CTNNA2: variants seen among roughly 807,000 people sequenced by gnomAD.
CTNNA2 encodes the protein catenin alpha 2.
CTNNA2 carries 42 observed loss-of-function variants against 101.0 expected under a neutral mutation model. That is an observed-to-expected ratio of 0.42 (90% CI 0.32 to 0.54). The LOEUF is 0.54. Among genes scored for constraint, CTNNA2 ranks in the 20% least tolerant of loss-of-function variants. The pLI is 0.14. For synonymous variants in CTNNA2, 450 were observed against 456.4 expected (o/e 0.99, Z 0.18); for missense variants, 871 against 1,223.1 (o/e 0.71, Z 4.29).
chr2:79,668,651 A>C (rs1201086290), intron 2 of CTNNA2, among the ~76,000 whole-genome samples: 1 of 152,192 alleles, frequency 6.6e-6, no homozygotes, highest in African/African-American at 2.4e-5. Context: ...AACTCTTTCC[A>C]CAATTTCACT....
intron 7 of CTNNA2, among the ~76,000 whole-genome samples, chr2:80,361,909 T>A (rs946803216): frequency 6.6e-6 from 1 of 152,092 alleles, no homozygotes; most frequent in Non-Finnish European, 1.5e-5. Flanking sequence ...CACACCTTTT[T>A]AAAAAGCCAA....
intron 18 of CTNNA2, among the ~76,000 whole-genome samples, chr2:80,630,118 C>T (rs1420217297): frequency 1.3e-5 from 2 of 152,186 alleles, no homozygotes; most frequent in East Asian, 3.9e-4. Flanking sequence ...TACCTCTTTG[C>T]CTGGTTATCC....
At position 79,280,114 on chromosome 2, in the gene CTNNA2, C is replaced by T. The variant is rs116560399; in HGVS notation, c.-405-32595C>T. On this transcript the variant is annotated intron_variant, in intron 2 of 21. Transcript: ENST00000466387. ...TTCACCCCTTCCAAAATTCTTCTTC[C>T]GTCCTACCGTCAATTTGTCAAGGGA... Among the ~76,000 whole-genome samples the T allele has an allele frequency of 2.6e-3, 392 of 152,198 alleles. 1 individual carries two copies. Among genetic ancestry groups the T allele is most frequent in the African/African-American group, 8.4e-3 (347 of 41,528 alleles).
intron 3 of CTNNA2, among the ~76,000 whole-genome samples, chr2:79,354,433 A>G (rs189968777): frequency 1.3e-5 from 2 of 152,244 alleles, no homozygotes; most frequent in Admixed American, 1.3e-4. Flanking sequence ...CATGTCTTCC[A>G]GCTCTTGGAT....
At chr2:80,537,096 C>T (rs530385030) in intron 9 of CTNNA2, among the ~76,000 whole-genome samples, 2 of 152,146 alleles carry the variant, frequency 1.3e-5, no homozygotes, top group South Asian at 4.2e-4. Flanking sequence ...CCTGACAGGC[C>T]CCAGTGTGTG....
At chr2:80,236,424 G>T (rs1357182790) in intron 7 of CTNNA2, among the ~76,000 whole-genome samples, 1 of 152,218 alleles carries the variant, frequency 6.6e-6, no homozygotes, top group Non-Finnish European at 1.5e-5. Context: ...AATCAGTGCA[G>T]TGCAGTGAGG....
intron 7 of CTNNA2, among the ~76,000 whole-genome samples, chr2:80,349,391 G>A (rs1182838215): frequency 1.3e-5 from 2 of 152,114 alleles, no homozygotes; most frequent in Non-Finnish European, 2.9e-5. Context: ...TATTGGGGAT[G>A]GGTATATTCT....
Position 79,541,193 on chromosome 2 carries a change from T to C in CTNNA2, c.-6+27986T>C, listed in dbSNP as rs560206019. 2.8e-4 allele frequency among the ~76,000 whole-genome samples: 39 copies of C among 138,128 alleles called. No individual in the cohort carries two copies. In the South Asian group the frequency reaches 8.9e-3, roughly 32 times the overall value. 90.6% of individuals were successfully genotyped at this position (138,128 alleles called of 152,430 possible). A position where few individuals can be genotyped will look rare whatever the true frequency, so the allele number is the denominator to read the frequency against. ...AGTATAAACATATATATTACACATA[T>C]ATATGAGTTTGTGTGTATATATATA... On this transcript the variant is annotated intron_variant, in intron 1 of 18. Transcript: ENST00000402739.
chr2:80,052,434 A>G (rs745968965), intron 7 of CTNNA2, among the ~76,000 whole-genome samples: 13 of 152,206 alleles, frequency 8.5e-5, no homozygotes, highest in Non-Finnish European at 1.9e-4. Flanking sequence ...GCCATATTGC[A>G]TTCCTATATC....
chr2:79,698,015 T>C (rs1178299259), intron 2 of CTNNA2: 1 of 152,106 alleles, frequency 6.6e-6, no homozygotes, highest in Non-Finnish European at 1.5e-5. Context: ...ATAGCAATTC[T>C]AAACAGTATT....
chr2:80,215,748 C>T (rs1354174293), intron 7 of CTNNA2, among the ~76,000 whole-genome samples: 4 of 152,168 alleles, frequency 2.6e-5, no homozygotes, highest in Non-Finnish European at 2.9e-5. Context: ...GTTCTCAGAT[C>T]TCAAACTCTG....
chr2:79,567,284 CTTCTT>C (rs768163193), intron 1 of CTNNA2, among the ~76,000 whole-genome samples: 1 of 152,048 alleles, frequency 6.6e-6, no homozygotes, highest in Non-Finnish European at 1.5e-5. Context: ...GATTTTATCT[CTTCTT>C]TTCTTCAAAA....
rs1671497071 is a variant in CTNNA2, at chr2:79,744,434, G to A, written c.150G>A (p.Lys50=). 6.2e-7 allele frequency: 1 copy of A among 1,613,872 alleles called. No individual in the cohort carries two copies. The highest frequency in any genetic ancestry group is 1.7e-5 in the Admixed American group (1 of 59,986). ...NTSNKGPSGK[K]KGRSKKAHVL... ...GCAACAAAGGCCCATCTGGTAAAAA[G>A]AAAGGGAGGTCAAAGAAAGCCCATG... is the stretch of plus-strand genomic sequence containing the variant. The change falls in exon 3 of 19, where the codon AAG becomes AAA. Residue 50 remains lysine, a synonymous_variant. Coordinates refer to ENST00000402739, the MANE Select transcript of CTNNA2 (RefSeq NM_001282597.3).
chr2:80,635,977 T>TTA (rs1161329680), intron 18 of CTNNA2, among the ~76,000 whole-genome samples: 1 of 151,076 alleles, frequency 6.6e-6, no homozygotes, highest in African/African-American at 2.4e-5. Context: ...ATTGCTTTTT[T>TTA]TTTTTTTTTT....
At chr2:80,282,204 C>T (rs964247283) in intron 7 of CTNNA2, among the ~76,000 whole-genome samples, 2 of 152,032 alleles carry the variant, frequency 1.3e-5, no homozygotes, top group African/African-American at 4.8e-5. Flanking sequence ...CTATGAACCA[C>T]ATCTACATGA....
intron 12 of CTNNA2, 80 bp from the exon 13 acceptor site, chr2:80,574,083 C>G (rs893130652): frequency 1.1e-5 from 16 of 1,475,952 alleles, no homozygotes; most frequent in African/African-American, 2.8e-5. Context: ...GCCCGAGGAC[C>G]TGCCACTTCG....
intron 2 of CTNNA2, among the ~76,000 whole-genome samples, chr2:79,713,163 G>A (rs1446813435): frequency 6.6e-6 from 1 of 152,112 alleles, no homozygotes; most frequent in African/African-American, 2.4e-5. Context: ...GAATATCATG[G>A]CAAAAATCAT....
chr2:79,845,171 GCTT>G (rs1190670196), intron 3 of CTNNA2, among the ~76,000 whole-genome samples: 1 of 70,128 alleles, frequency 1.4e-5, no homozygotes, highest in Non-Finnish European at 2.8e-5. Context: ...AAACACAGCT[GCTT>G]TTTTTTTTTT....
intron 7 of CTNNA2, among the ~76,000 whole-genome samples, chr2:80,197,619 T>G (rs1414284157): frequency 6.6e-6 from 1 of 152,174 alleles, no homozygotes; most frequent in Non-Finnish European, 1.5e-5. Flanking sequence ...AACATTCATT[T>G]TCTACTGCCC....
Sources: gnomAD v4.1 joint callset for allele counts (sites outside exome capture counted in the v4.1 genomes callset) on GRCh38, gnomAD v4.1.1 for gene constraint, MANE v1.5 for transcripts, NCBI Gene and HGNC (gene_info 2026-07-23, HGNC 2026-07-21) for gene names.